NCKAP5L: variants seen among roughly 807,000 people sequenced by gnomAD.
NCKAP5L encodes nck-associated protein 5-like.
Under a neutral mutation model 103.2 loss-of-function variants are expected in NCKAP5L, and 54 were observed. That is an observed-to-expected ratio of 0.52 (90% CI 0.42 to 0.66). The LOEUF is 0.66. Among genes scored for constraint, NCKAP5L ranks in the 30% least tolerant of loss-of-function variants. NCKAP5L has a pLI of 0.00. For synonymous variants in NCKAP5L, 762 were observed against 748.6 expected (o/e 1.02, Z -0.29); for missense variants, 1,733 against 1,750.6 (o/e 0.99, Z 0.18).
At chr12:49,794,693 C>G (rs540267190) in intron 8 of NCKAP5L, 72 bp downstream of exon 8, 47 of 1,224,976 alleles carry the variant, frequency 3.8e-5, no homozygotes, top group Non-Finnish European at 4.9e-5. Flanking sequence ...TAGCTCCAGA[C>G]GCAGGTGTGC....
rs746910214 is a variant in NCKAP5L, at chr12:49,791,866, C to A, written c.3978G>T (p.Ser1326=). 3.7e-6 allele frequency: 6 copies of A among 1,609,382 alleles called. No homozygotes were observed. In the African/African-American group the frequency reaches 8.0e-5, roughly 21 times the overall value. ...SESLSDSLYD[S]LSSCGSQG ...AGCCCTGACTCCCACAAGAGGACAG[C>A]GAGTCGTAGAGTGAGTCACTGAGAG... The change falls in exon 13 of 13, where the codon TCG becomes TCT. Residue 1326 remains serine, a synonymous_variant. Transcript: ENST00000335999.
At position 49,800,527 on chromosome 12, in the gene NCKAP5L, C is replaced by T. The variant is rs1034560659; in HGVS notation, c.351+1321G>A. ...CACAAGCTGGGAATCACATCATAAA[C>T]AGCTGCCACTGACTGACTATCTACT... On this transcript the variant is annotated intron_variant, in intron 6 of 12. Transcript: ENST00000335999. 2.2e-4 allele frequency among the ~76,000 whole-genome samples: 34 copies of T among 152,376 alleles called. 1 individual carries two copies. The highest frequency in any genetic ancestry group is 3.4e-3 in the Middle Eastern group (1 of 294).
chr12:49,793,847 C>G lies in NCKAP5L; in HGVS notation c.3145G>C (p.Glu1049Gln). 1 of 1,579,036 alleles carries G rather than the reference C, an allele frequency of 6.3e-7. No individual in the cohort carries two copies. The highest frequency in any genetic ancestry group is 8.6e-7 in the Non-Finnish European group (1 of 1,162,992). The stretch of plus-strand genomic sequence containing the variant: ...GACACCGGCTGGAAATCCCCGTACT[C>G]AGGCTTGGGCTCCCGCCAGCTCTTG... ...PSKSWREPKP[E>Q]YGDFQPVSSD... The change falls in exon 9 of 13, where the codon GAG becomes CAG. Residue 1049 changes from glutamate to glutamine, a missense_variant. Glu to Gln is a conservative substitution (Grantham distance 29, BLOSUM62 2). Transcript: ENST00000335999.
In NCKAP5L at chr12:49,795,053, T is replaced by C. The variant is rs377466679; in HGVS notation, c.2807A>G (p.Glu936Gly). Residue 936 changes from glutamate to glycine, a missense_variant, in exon 8 of 13, where the codon GAG becomes GGG. Glu to Gly is a moderately conservative substitution (Grantham distance 98). Transcript: ENST00000335999. Reference protein sequence around the residue: ...SKLPALNRRTEATKNKEGAGG... With the variant: ...SKLPALNRRTGATKNKEGAGG... ...AGCCCCCTCCTTGTTCTTGGTGGCC[T>C]CTGTGCGGCGGTTCAGCGCTGGCAG... 1 of 1,610,664 alleles carries C rather than the reference T, an allele frequency of 6.2e-7. No individual in the cohort carries two copies. The highest frequency in any genetic ancestry group is 1.3e-5 in the African/African-American group (1 of 74,876).
intron 10 of NCKAP5L, 32 bp from the exon 11 acceptor site, chr12:49,793,018 T>G (rs1592745606): frequency 1.4e-6 from 2 of 1,464,620 alleles, no homozygotes; most frequent in South Asian, 2.7e-5. Flanking sequence ...CCGTTAAGAG[T>G]GTGAGGCTGG....
At chr12:49,805,533 G>T (rs2603110) in intron 2 of NCKAP5L, 1 of 152,004 alleles carries the variant, frequency 6.6e-6, no homozygotes, top group African/African-American at 2.4e-5. Flanking sequence ...AAGGGTGGAA[G>T]CTTGGTCCAT....
chr12:49,797,905 C>A lies in NCKAP5L; in HGVS notation c.465+445G>T, dbSNP rs921009021. Among the ~76,000 whole-genome samples, 7 of 152,152 alleles carry A rather than the reference C, an allele frequency of 4.6e-5. No homozygotes were observed. Among genetic ancestry groups the A allele is most frequent in the Non-Finnish European group, 8.8e-5 (6 of 68,022 alleles). On this transcript the variant is annotated intron_variant, in intron 7 of 12. Transcript: ENST00000335999. The surrounding 1 kb of genome is among the most constrained non-coding windows in gnomAD (Gnocchi z 4.5). ...GAAAGGGGTTGGGGGTGACGCCATG[C>A]CCAGCCCTTTCTCAGGTGTAGCATA...
At chr12:49,802,864 G>C (rs1466422482) in intron 5 of NCKAP5L, 94 bp downstream of exon 5, 2 of 1,411,150 alleles carry the variant, frequency 1.4e-6, no homozygotes, top group African/African-American at 2.9e-5. Flanking sequence ...AATCACTGGA[G>C]GGCAACAGCC....
chr12:49,821,488 A>G (rs888060916), intron 1 of NCKAP5L, among the ~76,000 whole-genome samples: 3 of 152,212 alleles, frequency 2.0e-5, no homozygotes, highest in Non-Finnish European at 2.9e-5. Flanking sequence ...ACTCAAGCCA[A>G]GTTGAGAAAG....
intron 1 of NCKAP5L, among the ~76,000 whole-genome samples, chr12:49,820,323 T>C (rs893147194): frequency 6.7e-6 from 1 of 149,848 alleles, no homozygotes; most frequent in African/African-American, 2.5e-5. Context: ...CTTTTTTTTT[T>C]TTTTTTTTTT....
In NCKAP5L at chr12:49,793,852, T is replaced by C; in HGVS notation, c.3140A>G (p.Lys1047Arg). ...CGGCTGGAAATCCCCGTACTCAGGC[T>C]TGGGCTCCCGCCAGCTCTTGGATGG... ...ELPSKSWREP[K>R]PEYGDFQPVS... Residue 1047 changes from lysine (K) to arginine (R), a missense_variant, in exon 9 of 13, where the codon AAG becomes AGG. Physicochemically the swap from Lys to Arg is conservative, Grantham distance 26 (BLOSUM62 2). Coordinates refer to ENST00000335999, the MANE Select transcript of NCKAP5L (RefSeq NM_001037806.4). 1 of 1,576,898 alleles carries C rather than the reference T, an allele frequency of 6.3e-7. No individual in the cohort carries two copies. Among genetic ancestry groups the C allele is most frequent in the African/African-American group, 1.3e-5 (1 of 74,156 alleles).
chr12:49,800,994 C>T (rs879140682), intron 6 of NCKAP5L, among the ~76,000 whole-genome samples: 1 of 152,224 alleles, frequency 6.6e-6, no homozygotes, highest in Admixed American at 6.5e-5. Flanking sequence ...TGGACTCTGA[C>T]CCAGCTCTGT....
intron 6 of NCKAP5L, among the ~76,000 whole-genome samples, chr12:49,801,606 C>A (rs574438434): frequency 1.0e-3 from 152 of 152,292 alleles, no homozygotes; most frequent in African/African-American, 3.4e-3. Context: ...TCTCCCCACC[C>A]AAGGCAGGAG....
In NCKAP5L at chr12:49,795,355, G is replaced by C. The variant is rs764918564; in HGVS notation, c.2505C>G (p.Val835=). 16 of 1,544,890 alleles carry C rather than the reference G, an allele frequency of 1.0e-5. No individual in the cohort carries two copies. In the South Asian group the frequency reaches 1.9e-4, roughly 19 times the overall value. The change falls in exon 8 of 13, where the codon GTC becomes GTG. Residue 835 remains valine (V), a synonymous_variant. Transcript: ENST00000335999. The part of the protein sequence containing the change: ...KVVPRPGAPL[V]TKESPKPDKG... The stretch of plus-strand genomic sequence containing the variant: ...TGTCAGGCTTGGGGGACTCCTTGGT[G>C]ACTAGCGGAGCCCCAGGTCGAGGCA...
chr12:49,823,417 C>T (rs1460683256), intron 1 of NCKAP5L, among the ~76,000 whole-genome samples: 1 of 152,100 alleles, frequency 6.6e-6, no homozygotes, highest in Non-Finnish European at 1.5e-5. Context: ...TGCTGAGAAC[C>T]CCAGAGCCAC....
intron 5 of NCKAP5L, 23 bp downstream of exon 5, chr12:49,802,935 C>T: frequency 6.2e-7 from 1 of 1,611,546 alleles, no homozygotes; most frequent in Non-Finnish European, 8.5e-7. Context: ...AGGGCTTCTC[C>T]CCAGGGTGTC....
In NCKAP5L at chr12:49,796,497, C is replaced by T. The variant is rs1046186465; in HGVS notation, c.1363G>A (p.Gly455Ser). The change falls in exon 8 of 13, where the codon GGT becomes AGT. Residue 455 changes from glycine (G) to serine (S), a missense_variant. Gly to Ser is a moderately conservative substitution (Grantham distance 56, BLOSUM62 0). Coordinates refer to ENST00000335999, the MANE Select transcript of NCKAP5L (RefSeq NM_001037806.4). ...QGPLLPSPAR[G>S]LKFLKLPPTS... ...GGAGGCAGCTTTAGAAACTTGAGAC[C>T]CCTAGCTGGAGAGGGCAGAAGGGGT... 3 of 1,541,598 alleles carry T rather than the reference C, an allele frequency of 1.9e-6. No individual in the cohort carries two copies. The highest frequency in any genetic ancestry group is 1.4e-5 in the African/African-American group (1 of 72,454).
chr12:49,794,608 C>A (rs12314502), intron 8 of NCKAP5L, among the ~76,000 whole-genome samples, 157 bp downstream of exon 8: 53,085 of 148,590 alleles, frequency 0.36, 9,963 homozygotes, highest in African/African-American at 0.45. Flanking sequence ...GTCACTGACC[C>A]CCCCACCAGC....
At chr12:49,798,596 T>C in intron 6 of NCKAP5L, 133 bp from the exon 7 acceptor site, 1 of 748,550 alleles carries the variant, frequency 1.3e-6, no homozygotes, top group South Asian at 1.6e-5. Flanking sequence ...CAAATGCAGC[T>C]CTTGCTGCTG....
Sources: allele counts gnomAD v4.1 joint callset (sites outside exome capture counted in the v4.1 genomes callset), GRCh38; gene constraint gnomAD v4.1.1; non-coding constraint Gnocchi (gnomAD v3.1); transcripts MANE v1.5; gene names NCBI Gene and HGNC (gene_info 2026-07-23, HGNC 2026-07-21).